Variants in CTBP1 observed in about 807,000 individuals in gnomAD.
CTBP1 encodes the protein C-terminal binding protein 1.
In CTBP1, 11 loss-of-function variants were observed where a neutral mutation model predicts 42.1. The ratio of observed to expected loss-of-function variants is 0.26; its 90% CI spans 0.16 to 0.43. The LOEUF (loss-of-function observed/expected upper bound fraction) is 0.43. Ranked by LOEUF, CTBP1 falls within the 20% of genes least tolerant of loss-of-function variation. The probability of loss-of-function intolerance (pLI) is 1.00; values close to 1 mark genes in which losing one functional copy is unlikely to be tolerated. For missense variants in CTBP1, 399 were observed against 624.3 expected, an observed-to-expected ratio of 0.64 and a Z score of 3.85; for synonymous variants, 324 against 277.1, an observed-to-expected ratio of 1.17 and a Z score of -1.68.
chr4:1,249,038 C>G lies in CTBP1; in HGVS notation c.-311G>C. ...CCCGGCGCGTGGGGCGGCCTCGGCG[C>G]CGTCCGCTGCTCCGCCCGCCCGCCT... is the stretch of plus-strand genomic sequence containing the variant. On this transcript the variant is annotated 5_prime_UTR_variant, in exon 1 of 10. Coordinates refer to ENST00000382952, the MANE Select transcript of CTBP1 (RefSeq NM_001012614.2). The G allele has an allele frequency of 1.6e-6, 1 of 613,746 alleles. No individual in the cohort carries two copies. The highest frequency in any genetic ancestry group is 2.0e-6 in the Non-Finnish European group (1 of 493,428). The allele number at this position is 613,746 out of a possible 1,614,324, so 38.0% of individuals were successfully genotyped here. A position where few individuals can be genotyped will look rare whatever the true frequency, so the allele number is the denominator to read the frequency against.
At chr4:1,226,319 T>C (rs1049315401) in intron 4 of CTBP1, among the ~76,000 whole-genome samples, 12 of 151,978 alleles carry the variant, frequency 7.9e-5, no homozygotes, top group African/African-American at 2.4e-4. Context: ...ATTGCATTCC[T>C]GTGTCCGACT....
rs181497449 is a variant in CTBP1, at chr4:1,229,050, G to C, written c.163-707C>G. Among the ~76,000 whole-genome samples the C allele has an allele frequency of 1.0e-3, 152 of 152,312 alleles. 1 individual carries two copies. The East Asian group carries it at 0.028, about 28-fold the overall frequency. On this transcript the variant is annotated intron_variant, in intron 3 of 9. Transcript: ENST00000382952. ...GACCGGAACAGCTCCCGCGAACAAA[G>C]ACCTGGCACACAGCACAGCAGCCCA...
chr4:1,220,050 A>C (rs1047488505), intron 5 of CTBP1, among the ~76,000 whole-genome samples: 8 of 152,156 alleles, frequency 5.3e-5, no homozygotes, highest in African/African-American at 1.9e-4. Context: ...AAAAATACAA[A>C]AATTAGCCAG....
chr4:1,248,737 TC>T (rs1029446730), intron 1 of CTBP1, 178 bp downstream of exon 1: 3 of 977,670 alleles, frequency 3.1e-6, no homozygotes, highest in Non-Finnish European at 3.6e-6. Context: ...GCAAGACCCT[TC>T]CCGCGGTCCC....
rs1192268833 is a variant in CTBP1, at chr4:1,233,022, A to T, written c.163-4679T>A. ...CCTGAGAGGGGGTCCTGGGGTCTGG[A>T]CATGCCCTGCGGGGGTCGCACTGCA... On this transcript the variant is annotated intron_variant, in intron 3 of 9. Coordinates refer to ENST00000382952, the MANE Select transcript of CTBP1 (RefSeq NM_001012614.2). The surrounding 1 kb of genome is among the most constrained non-coding windows in gnomAD (Gnocchi z 4.6). 1.3e-5 allele frequency: 2 copies of T among 152,696 alleles called. No individual in the cohort carries two copies. Among genetic ancestry groups the T allele is most frequent in the African/African-American group, 2.4e-5 (1 of 41,428 alleles). 9.5% of individuals were successfully genotyped at this position (152,696 alleles called of 1,614,324 possible).
At chr4:1,213,336 C>T in intron 8 of CTBP1, 142 bp downstream of exon 8, 2 of 1,356,376 alleles carry the variant, frequency 1.5e-6, no homozygotes, top group Non-Finnish European at 2.0e-6. Flanking sequence ...CCTTAGAGGT[C>T]CCTGCTGGGG....
chr4:1,237,076 A>G, intron 3 of CTBP1: 1 of 641,934 alleles, frequency 1.6e-6, no homozygotes, highest in Non-Finnish European at 2.8e-6. Context: ...GCTCAGGGAA[A>G]ACCCCGTGTC....
intron 7 of CTBP1, 133 bp from the exon 8 acceptor site, chr4:1,213,738 C>G (rs747859196): frequency 2.7e-5 from 33 of 1,227,004 alleles, no homozygotes; most frequent in Non-Finnish European, 3.5e-5. Flanking sequence ...CTGCTCTGCT[C>G]GGCAGGCTGG....
At chr4:1,240,735 C>G (rs1371583445) in intron 2 of CTBP1, among the ~76,000 whole-genome samples, 1 of 152,166 alleles carries the variant, frequency 6.6e-6, no homozygotes, top group African/African-American at 2.4e-5. Flanking sequence ...AAGGTGCCTC[C>G]TCACATCACC....
At chr4:1,244,468 A>T (rs1250098) in intron 1 of CTBP1, 351,319 of 984,464 alleles carry the variant, frequency 0.36, 64,991 homozygotes, top group Middle Eastern at 0.44. Flanking sequence ...GCCTGCTCAG[A>T]CCCAGGCTCG....
intron 1 of CTBP1, chr4:1,241,744 CCG>C (rs1320494455): frequency 8.3e-7 from 1 of 1,198,238 alleles, no homozygotes; most frequent in African/African-American, 1.6e-5. Flanking sequence ...AGGCCCGAGG[CCG>C]CGCCCCTGTG....
intron 1 of CTBP1, among the ~76,000 whole-genome samples, chr4:1,248,269 C>G (rs1732957682): frequency 6.6e-6 from 1 of 151,850 alleles, no homozygotes; most frequent in African/African-American, 2.4e-5. Context: ...TCGCGGAGTT[C>G]GCGGGAACGG....
intron 1 of CTBP1, chr4:1,243,947 G>A: frequency 3.0e-6 from 3 of 985,460 alleles, no homozygotes; most frequent in Non-Finnish European, 2.4e-6. Context: ...GGACCCACGA[G>A]GGAAGTGAGT....
chr4:1,239,287 A>G (rs1577070492), intron 2 of CTBP1, among the ~76,000 whole-genome samples: 2 of 152,184 alleles, frequency 1.3e-5, no homozygotes, highest in African/African-American at 2.4e-5. Flanking sequence ...AGGTGGGGCC[A>G]CTGTCAGCCC....
At chr4:1,228,423 CTGGGAAATTAGCCTGT>C (rs1343068791) in intron 3 of CTBP1, 80 bp from the exon 4 acceptor site, 2 of 1,523,406 alleles carry the variant, frequency 1.3e-6, no homozygotes, top group African/African-American at 2.8e-5. Context: ...GCTGCCCCGG[CTGGGAAATTAGCCTGT>C]GGCCCTCAGG....
chr4:1,218,937 C>G (rs747999338), intron 5 of CTBP1, among the ~76,000 whole-genome samples: 6 of 152,088 alleles, frequency 3.9e-5, no homozygotes, highest in African/African-American at 1.4e-4. Flanking sequence ...AGCAATTACA[C>G]TAAAAATAAA....
chr4:1,241,887 G>C lies in CTBP1; in HGVS notation c.-188-368C>G, dbSNP rs1340795943. Reference sequence around the variant, plus strand: ...GCACAGGGTGTGTGCTGTGGGCAGGGAAACTGCGGAAAGGCTCTGCCTCCT... The same window carrying C: ...GCACAGGGTGTGTGCTGTGGGCAGGCAAACTGCGGAAAGGCTCTGCCTCCT... On this transcript the variant is annotated intron_variant, in intron 1 of 9. Transcript: ENST00000382952. 4.7e-6 allele frequency: 5 copies of C among 1,068,222 alleles called. No individual in the cohort carries two copies. The African/African-American group carries it at 5.0e-5, about 11-fold the overall frequency. The allele number at this position is 1,068,222 out of a possible 1,614,324, so 66.2% of individuals were successfully genotyped here.
intron 1 of CTBP1, chr4:1,244,398 G>T (rs530753838): frequency 2.0e-6 from 2 of 983,996 alleles, no homozygotes; most frequent in Non-Finnish European, 2.4e-6. Flanking sequence ...ACCAAGATGC[G>T]CCAGGACCAA....
Position 1,235,394 on chromosome 4 carries a change from G to C in CTBP1, c.162+2789C>G, listed in dbSNP as rs1731389764. On this transcript the variant is annotated intron_variant, in intron 3 of 9. Transcript: ENST00000382952. This position sits in a 1 kb window ranked among gnomAD's most constrained non-coding sequence, Gnocchi z 4.2. ...CATCAGATTTTCTTCCGTCCATTTT[G>C]GAAAGGGTTTTGCTGTCATCATCAC... is the stretch of plus-strand genomic sequence containing the variant. 6.6e-6 allele frequency: 1 copy of C among 152,146 alleles called. No individual in the cohort carries two copies. The allele number at this position is 152,146 out of a possible 1,614,324, so 9.4% of individuals were successfully genotyped here.
Sources: gnomAD v4.1 joint callset for allele counts (sites outside exome capture counted in the v4.1 genomes callset) on GRCh38, gnomAD v4.1.1 for gene constraint, Gnocchi (gnomAD v3.1) non-coding constraint, MANE v1.5 for transcripts, NCBI Gene and HGNC (gene_info 2026-07-23, HGNC 2026-07-21) for gene names.